The following ZBTB20 variants were observed in gnomAD, a reference collection of about 807,000 sequenced individuals.
ZBTB20 encodes the protein zinc finger and BTB domain-containing protein 20.
A neutral mutation model predicts 56.9 loss-of-function variants in ZBTB20; 9 were observed. The ratio of observed to expected loss-of-function variants is 0.16; its 90% CI spans 0.10 to 0.28. The LOEUF is 0.28. Among genes scored for constraint, ZBTB20 ranks in the 10% least tolerant of loss-of-function variants. The pLI, the probability that ZBTB20 is intolerant of heterozygous loss-of-function variation, is 1.00. For missense variants in ZBTB20, 655 were observed against 1,003.0 expected (o/e 0.65, Z 4.69); for synonymous variants, 417 against 420.7 (o/e 0.99, Z 0.11).
intron 6 of ZBTB20, among the ~76,000 whole-genome samples, chr3:114,628,011 A>T (rs566507168): frequency 6.6e-6 from 1 of 152,084 alleles, no homozygotes; most frequent in South Asian, 2.1e-4. Flanking sequence ...AAGTCCCTTA[A>T]CTCCCCATGT....
At chr3:114,461,909 G>A (rs937292977) in intron 7 of ZBTB20, among the ~76,000 whole-genome samples, 1 of 152,314 alleles carries the variant, frequency 6.6e-6, no homozygotes, top group Non-Finnish European at 1.5e-5. Flanking sequence ...GAAAAAACAC[G>A]TTGGACTCAG....
rs1024843190 is a variant in ZBTB20, at chr3:114,396,276, T to C, written c.-254-7171A>G. On this transcript the variant is annotated intron_variant, in intron 7 of 11. Transcript: ENST00000675478. Reference sequence around the variant, plus strand: ...ATGTGTTCTGAATTAACCATTATAGTTTGTGGTAAATGGAAAAAAAGGTAC... The same window carrying C: ...ATGTGTTCTGAATTAACCATTATAGCTTGTGGTAAATGGAAAAAAAGGTAC... 2.0e-5 allele frequency among the ~76,000 whole-genome samples: 3 copies of C among 152,248 alleles called. No individual in the cohort carries two copies. In the East Asian group the frequency reaches 5.8e-4, roughly 29 times the overall value.
At chr3:115,146,847 G>T (rs981006161) in intron 1 of ZBTB20, among the ~76,000 whole-genome samples, 1 of 152,072 alleles carries the variant, frequency 6.6e-6, no homozygotes. Context: ...GTAGAGAGAA[G>T]AAGGCAGAAG....
Position 114,380,877 on chromosome 3 carries a change from GC to G in ZBTB20, c.-91del. 1 of 1,223,454 alleles carries G rather than the reference GC, an allele frequency of 8.2e-7. No homozygotes were observed. The highest frequency in any genetic ancestry group is 1.9e-5 in the South Asian group (1 of 51,334). The allele number at this position is 1,223,454 out of a possible 1,614,324, so 75.8% of individuals were successfully genotyped here. A position where few individuals can be genotyped will look rare whatever the true frequency, so the allele number is the denominator to read the frequency against. On this transcript the variant is annotated 5_prime_UTR_variant, in exon 9 of 12. Coordinates refer to ENST00000675478, the MANE Select transcript of ZBTB20 (RefSeq NM_001348800.3). ...AGACTTGAGCTACCGTACTAGCTGT[GC>G]CTCTAACTTGCTGTGTGGCCTTGGG...
intron 4 of ZBTB20, among the ~76,000 whole-genome samples, chr3:114,870,604 C>T (rs889935484): frequency 6.6e-6 from 1 of 151,292 alleles, no homozygotes; most frequent in Admixed American, 6.6e-5. Context: ...CAGGTAATCC[C>T]TAGTTTTGAT....
intron 4 of ZBTB20, among the ~76,000 whole-genome samples, chr3:114,870,634 G>A (rs2075967827): frequency 1.3e-5 from 2 of 151,326 alleles, no homozygotes; most frequent in Non-Finnish European, 2.9e-5. Context: ...TAGCAGCCAA[G>A]CAGAAACAGA....
chr3:115,121,240 A>G (rs2084173671), intron 1 of ZBTB20, among the ~76,000 whole-genome samples: 1 of 152,046 alleles, frequency 6.6e-6, no homozygotes. Context: ...TGCATTTAAA[A>G]TCTTTTTTAT....
intron 6 of ZBTB20, among the ~76,000 whole-genome samples, chr3:114,527,563 A>G (rs2047372878): frequency 2.0e-5 from 3 of 152,210 alleles, no homozygotes; most frequent in South Asian, 2.1e-4. Context: ...ATACTGAGCC[A>G]TAATCTCAGG....
intron 3 of ZBTB20, among the ~76,000 whole-genome samples, chr3:114,956,703 C>T (rs556518107): frequency 9.2e-5 from 14 of 152,242 alleles, no homozygotes; most frequent in African/African-American, 1.7e-4. Flanking sequence ...TATACAACTA[C>T]GATAAATTGG....
intron 7 of ZBTB20, among the ~76,000 whole-genome samples, chr3:114,398,075 T>C (rs1262053792): frequency 6.6e-6 from 1 of 152,154 alleles, no homozygotes. Flanking sequence ...GGAATACCTT[T>C]ATCACCTTTC....
rs891998424 is a variant in ZBTB20 at position 114,336,586 on chromosome 3, A to T, written c.*2419T>A. 2.6e-5 allele frequency: 4 copies of T among 152,206 alleles called. No individual in the cohort carries two copies. The East Asian group carries it at 7.7e-4, about 29-fold the overall frequency. The allele number at this position is 152,206 out of a possible 1,614,324, so 9.4% of individuals were successfully genotyped here. ...ACCAAATCAAACTCACAAACACTTCAGTTACACTAACCTTACAAAGCATCA... is the reference window on the plus strand; with the variant it reads ...ACCAAATCAAACTCACAAACACTTCTGTTACACTAACCTTACAAAGCATCA... On this transcript the variant is annotated 3_prime_UTR_variant, in exon 12 of 12. Transcript: ENST00000675478.
intron 5 of ZBTB20, among the ~76,000 whole-genome samples, chr3:114,792,488 G>C (rs1038034952): frequency 3.9e-5 from 6 of 152,140 alleles, no homozygotes; most frequent in African/African-American, 1.4e-4. Flanking sequence ...ACAACTACTG[G>C]AGGACCCTAA....
At chr3:115,053,713 C>T (rs184681035) in intron 2 of ZBTB20, among the ~76,000 whole-genome samples, 1 of 152,108 alleles carries the variant, frequency 6.6e-6, no homozygotes, top group African/African-American at 2.4e-5. Context: ...ATATTGAAAC[C>T]TGCAAATAAT....
intron 6 of ZBTB20, among the ~76,000 whole-genome samples, chr3:114,538,972 T>C (rs890058303): frequency 5.9e-5 from 9 of 152,174 alleles, no homozygotes; most frequent in African/African-American, 2.2e-4. Flanking sequence ...GTACCTTCAA[T>C]GGTTTCCAGT....
intron 6 of ZBTB20, among the ~76,000 whole-genome samples, chr3:114,649,629 AT>A (rs2060024846): frequency 6.6e-6 from 1 of 151,970 alleles, no homozygotes; most frequent in Non-Finnish European, 1.5e-5. Flanking sequence ...TAGGAATAGA[AT>A]TTATTTGATC....
chr3:114,920,346 A>C (rs542297650), intron 3 of ZBTB20, among the ~76,000 whole-genome samples: 1 of 152,200 alleles, frequency 6.6e-6, no homozygotes, highest in Non-Finnish European at 1.5e-5. Flanking sequence ...GTGCACATGG[A>C]ACAGTCTCCA....
chr3:114,415,673 T>C (rs1220795936), intron 7 of ZBTB20, among the ~76,000 whole-genome samples: 1 of 152,094 alleles, frequency 6.6e-6, no homozygotes, highest in East Asian at 1.9e-4. Flanking sequence ...AAAAACTCTA[T>C]TTCATAGTCA....
intron 2 of ZBTB20, among the ~76,000 whole-genome samples, chr3:115,054,926 T>C (rs2081700459): frequency 6.6e-6 from 1 of 152,104 alleles, no homozygotes; most frequent in Non-Finnish European, 1.5e-5. Context: ...AGGACTTGCC[T>C]CAATTCTCCT....
At chr3:115,106,518 C>G (rs2083728761) in intron 1 of ZBTB20, among the ~76,000 whole-genome samples, 1 of 152,120 alleles carries the variant, frequency 6.6e-6, no homozygotes, top group Non-Finnish European at 1.5e-5. Flanking sequence ...CAAGCATGAG[C>G]CACTGTGCCC....
Sources: allele counts gnomAD v4.1 joint callset (sites outside exome capture counted in the v4.1 genomes callset), GRCh38; gene constraint gnomAD v4.1.1; transcripts MANE v1.5; gene names NCBI Gene and HGNC (gene_info 2026-07-23, HGNC 2026-07-21).